Variants in B3GALT5 observed in about 807,000 individuals in gnomAD.
B3GALT5 encodes UDP-Gal:betaGlcNAc beta 1,3-galactosyltransferase, polypeptide 5.
For synonymous variants in B3GALT5, 156 were observed against 158.6 expected (o/e 0.98, Z 0.12); for missense variants, 328 against 396.6 (o/e 0.83, Z 1.47).
In B3GALT5 at chr21:39,639,400, T is replaced by TTCTCTTTCTTTCTTTC. The variant is rs1339331444; in HGVS notation, c.-391-6991_-391-6990insCTCTTTCTTTCTTTCT. 2.8e-3 allele frequency among the ~76,000 whole-genome samples: 162 copies of TTCTCTTTCTTTCTTTC among 57,196 alleles called. 2 individuals are homozygous for TTCTCTTTCTTTCTTTC. Among genetic ancestry groups the TTCTCTTTCTTTCTTTC allele is most frequent in the Middle Eastern group, 6.6e-3 (1 of 152 alleles). The allele number at this position is 57,196 out of a possible 152,430, so 37.5% of individuals were successfully genotyped here. On this transcript the variant is annotated intron_variant, in intron 1 of 3. Transcript: ENST00000684187. ...CTTCCTTCCTTCCTTCCTTCTTTCT[T>TTCTCTTTCTTTCTTTC]TTTCTTTCTTTCTTTCTTTCTTTCT...
In B3GALT5 at chr21:39,668,196, G is replaced by A. The variant is rs2079595594; in HGVS notation, c.*6704G>A. The A allele has an allele frequency of 6.6e-6, 1 of 152,340 alleles. No homozygotes were observed. The highest frequency in any genetic ancestry group is 2.4e-5 in the African/African-American group (1 of 41,444). 9.4% of individuals were successfully genotyped at this position (152,340 alleles called of 1,614,324 possible). ...ATCCCCAGCACCGGGCTGACCCCAAGTACCAGAGAGGTCTCCATGGCCCCA... is the reference window on the plus strand; with the variant it reads ...ATCCCCAGCACCGGGCTGACCCCAAATACCAGAGAGGTCTCCATGGCCCCA... On this transcript the variant is annotated 3_prime_UTR_variant, in exon 4 of 4. Transcript: ENST00000684187.
At position 39,646,452 on chromosome 21, in the gene B3GALT5, C is replaced by G. The variant is rs529622552; in HGVS notation, c.-331C>G. 6.6e-6 allele frequency: 1 copy of G among 152,120 alleles called. No individual in the cohort carries two copies. The highest frequency in any genetic ancestry group is 1.5e-5 in the Non-Finnish European group (1 of 68,014). 9.4% of individuals were successfully genotyped at this position (152,120 alleles called of 1,614,324 possible). On this transcript the variant is annotated 5_prime_UTR_variant, in exon 2 of 4. Transcript: ENST00000684187. Reference sequence around the variant, plus strand: ...TTGTGTTCAAGTAAGAAAATGTATCCAAGTCACAAAGAAACATAATTTGGC... The same window carrying G: ...TTGTGTTCAAGTAAGAAAATGTATCGAAGTCACAAAGAAACATAATTTGGC...
rs1375276076 is a variant in B3GALT5, at chr21:39,672,743, C to T, written c.*11251C>T. ...TTTTGTACCTGGAAAAATATTTTTA[C>T]AATTTATTTTGATTTTATATGTGTA... On this transcript the variant is annotated 3_prime_UTR_variant, in exon 4 of 4. Coordinates refer to ENST00000684187, the MANE Select transcript of B3GALT5 (RefSeq NM_001356336.2). 3.3e-5 allele frequency: 5 copies of T among 152,124 alleles called. No individual in the cohort carries two copies. The highest frequency in any genetic ancestry group is 1.2e-4 in the African/African-American group (5 of 41,408). 9.4% of individuals were successfully genotyped at this position (152,124 alleles called of 1,614,324 possible). A position where few individuals can be genotyped will look rare whatever the true frequency, so the allele number is the denominator to read the frequency against.
At chr21:39,637,598 G>T (rs2146195982) in intron 1 of B3GALT5, among the ~76,000 whole-genome samples, 1 of 152,346 alleles carries the variant, frequency 6.6e-6, no homozygotes, top group South Asian at 2.1e-4. Flanking sequence ...CCCGCCCAGG[G>T]CTTCTTTCCT....
At chr21:39,617,769 C>T (rs61164421) in intron 1 of B3GALT5, among the ~76,000 whole-genome samples, 15,470 of 152,114 alleles carry the variant, frequency 0.1, 844 homozygotes, top group Non-Finnish European at 0.12. Flanking sequence ...AGCTCATCAG[C>T]TATCGTTAGT....
intron 1 of B3GALT5, among the ~76,000 whole-genome samples, chr21:39,619,917 C>T (rs924927977): frequency 6.6e-6 from 1 of 152,192 alleles, no homozygotes; most frequent in Non-Finnish European, 1.5e-5. Context: ...AAGCAATTCT[C>T]GTGCCTCAGC....
chr21:39,660,658 A>G lies in B3GALT5; in HGVS notation c.99A>G (p.Glu33=). The G allele has an allele frequency of 6.5e-7, 1 of 1,543,784 alleles. No individual in the cohort carries two copies. Among genetic ancestry groups the G allele is most frequent in the African/African-American group, 1.4e-5 (1 of 72,502 alleles). ...TGTACAGTCTAAATCCTTTCAAAGA[A>G]CAGTCCTTTGTTTACAAGAAAGACG... ...FSMYSLNPFK[E]QSFVYKKDGN... The change falls in exon 4 of 4, where the codon GAA becomes GAG. Residue 33 remains glutamate (E), a synonymous_variant. Transcript: ENST00000684187.
chr21:39,619,111 A>G (rs2079121769), intron 1 of B3GALT5, among the ~76,000 whole-genome samples: 1 of 151,424 alleles, frequency 6.6e-6, no homozygotes, highest in Admixed American at 6.6e-5. Context: ...TATTTATTCT[A>G]TTTTATGGTC....
At chr21:39,639,347 T>TTTCTTTTTTTCC (rs762994044) in intron 1 of B3GALT5, among the ~76,000 whole-genome samples, 34 of 66,734 alleles carry the variant, frequency 5.1e-4, no homozygotes, top group South Asian at 1.1e-3. Context: ...TCTTTCTTTC[T>TTTCTTTTTTTCC]TTCCTTCCTT....
At chr21:39,649,869 C>T (rs2079378088) in intron 2 of B3GALT5, among the ~76,000 whole-genome samples, 1 of 152,152 alleles carries the variant, frequency 6.6e-6, no homozygotes, top group Non-Finnish European at 1.5e-5. Flanking sequence ...AGGATTCTTG[C>T]TAAAACTGGG....
chr21:39,640,357 G>A (rs1459583389), intron 1 of B3GALT5, among the ~76,000 whole-genome samples: 1 of 152,144 alleles, frequency 6.6e-6, no homozygotes, highest in African/African-American at 2.4e-5. Flanking sequence ...GGCTGCTTAG[G>A]AGCCTAGTTG....
Position 39,660,637 on chromosome 21 carries a change from C to T in B3GALT5, c.78C>T (p.Tyr26=), listed in dbSNP as rs764355579. 1.3e-6 allele frequency: 2 copies of T among 1,507,344 alleles called. No individual in the cohort carries two copies. Among genetic ancestry groups the T allele is most frequent in the East Asian group, 2.3e-5 (1 of 43,548 alleles). 93.4% of individuals were successfully genotyped at this position (1,507,344 alleles called of 1,614,324 possible). The change falls in exon 4 of 4, where the codon TAC becomes TAT. Residue 26 remains tyrosine, a synonymous_variant. Transcript: ENST00000684187. ...CTCTTTGTTTGTATTTTAGCATGTA[C>T]AGTCTAAATCCTTTCAAAGAACAGT... is the stretch of plus-strand genomic sequence containing the variant. ...LGALCLYFSM[Y]SLNPFKEQSF...
chr21:39,616,245 C>T (rs1041510438), intron 1 of B3GALT5, among the ~76,000 whole-genome samples: 9 of 152,140 alleles, frequency 5.9e-5, no homozygotes, highest in African/African-American at 9.7e-5. Flanking sequence ...TTCCTATTCA[C>T]GTTTGCAATG....
At chr21:39,648,484 T>C (rs1440550055) in intron 2 of B3GALT5, among the ~76,000 whole-genome samples, 1 of 151,668 alleles carries the variant, frequency 6.6e-6, no homozygotes, top group East Asian at 1.9e-4. Flanking sequence ...AGAATAAGAG[T>C]CTAGGGGGTT....
chr21:39,624,221 G>T (rs896532005), intron 1 of B3GALT5, among the ~76,000 whole-genome samples: 1 of 151,968 alleles, frequency 6.6e-6, no homozygotes. Flanking sequence ...TTCTGCATTC[G>T]CTCCCCCCAT....
chr21:39,619,412 A>T (rs1189620323), intron 1 of B3GALT5, among the ~76,000 whole-genome samples: 1 of 152,178 alleles, frequency 6.6e-6, no homozygotes, highest in Admixed American at 6.5e-5. Context: ...CTCCAAATAC[A>T]GTCACATTGG....
At chr21:39,643,274 C>T (rs770751049) in intron 1 of B3GALT5, among the ~76,000 whole-genome samples, 2 of 144,610 alleles carry the variant, frequency 1.4e-5, no homozygotes, top group Admixed American at 6.9e-5. Flanking sequence ...AAGCCTGGGC[C>T]GGGCACAGTG....
At chr21:39,615,077 T>G (rs913256837) in intron 1 of B3GALT5, among the ~76,000 whole-genome samples, 1 of 152,180 alleles carries the variant, frequency 6.6e-6, no homozygotes, top group Non-Finnish European at 1.5e-5. Flanking sequence ...CCTGTGTTCA[T>G]TGCTCTTCTG....
intron 1 of B3GALT5, among the ~76,000 whole-genome samples, chr21:39,645,763 C>T (rs1569215157): frequency 1.3e-5 from 2 of 152,130 alleles, no homozygotes. Context: ...TTGAGAAACA[C>T]CACACCCCAA....
Sources: allele counts gnomAD v4.1 joint callset (sites outside exome capture counted in the v4.1 genomes callset), GRCh38; gene constraint gnomAD v4.1.1; transcripts MANE v1.5; gene names NCBI Gene and HGNC (gene_info 2026-07-23, HGNC 2026-07-21).